Variants in SCD5 observed in about 807,000 individuals in gnomAD.
SCD5 encodes stearoyl-CoA desaturase 5, also known as acyl-CoA-desaturase 4.
In SCD5, 20 loss-of-function variants were observed where a neutral mutation model predicts 30.4. The ratio of observed to expected loss-of-function variants is 0.66; its 90% CI spans 0.46 to 0.96. The LOEUF is 0.96. Ranked by LOEUF, SCD5 falls within the 40% of genes least tolerant of loss-of-function variation. The probability of loss-of-function intolerance (pLI) is 0.00; values close to 1 mark genes in which losing one functional copy is unlikely to be tolerated. For synonymous variants in SCD5, 173 were observed against 176.4 expected, an observed-to-expected ratio of 0.98 and a Z score of 0.16; for missense variants, 381 against 443.3, an observed-to-expected ratio of 0.86 and a Z score of 1.26.
chr4:82,728,003 C>T (rs1720544459), intron 1 of SCD5, among the ~76,000 whole-genome samples: 1 of 152,160 alleles, frequency 6.6e-6, no homozygotes, highest in Non-Finnish European at 1.5e-5. Flanking sequence ...GCCACCATGC[C>T]CCACCTCTAG....
intron 4 of SCD5, among the ~76,000 whole-genome samples, chr4:82,634,087 AT>A (rs1727374696): frequency 6.6e-6 from 1 of 152,236 alleles, no homozygotes; most frequent in African/African-American, 2.4e-5. Context: ...TCAGATCTTC[AT>A]TCTTTTTATT....
chr4:82,708,838 G>C (rs968581317), intron 1 of SCD5, among the ~76,000 whole-genome samples: 1 of 152,196 alleles, frequency 6.6e-6, no homozygotes, highest in Non-Finnish European at 1.5e-5. Flanking sequence ...GTGCTCGACA[G>C]AAGGAAGCAC....
intron 3 of SCD5, among the ~76,000 whole-genome samples, chr4:82,674,366 T>C (rs1216779175): frequency 6.6e-6 from 1 of 152,170 alleles, no homozygotes; most frequent in Non-Finnish European, 1.5e-5. Context: ...AGAAAATATA[T>C]AGATGGAACA....
chr4:82,739,078 C>CT (rs1720816181), intron 1 of SCD5, among the ~76,000 whole-genome samples: 1 of 152,162 alleles, frequency 6.6e-6, no homozygotes, highest in African/African-American at 2.4e-5. Flanking sequence ...AATCTTACCC[C>CT]TACTAGTTGC....
intron 1 of SCD5, among the ~76,000 whole-genome samples, chr4:82,783,966 T>A (rs1267710776): frequency 6.6e-6 from 1 of 152,306 alleles, no homozygotes; most frequent in East Asian, 1.9e-4. Flanking sequence ...ATGTCTCCAA[T>A]TTATTCTTAA....
At chr4:82,760,624 T>G (rs554917216) in intron 1 of SCD5, among the ~76,000 whole-genome samples, 9 of 151,978 alleles carry the variant, frequency 5.9e-5, no homozygotes, top group Non-Finnish European at 1.2e-4. Flanking sequence ...CTAACTCACT[T>G]GTTTTCAAGA....
At chr4:82,695,973 G>T (rs999074507) in intron 2 of SCD5, among the ~76,000 whole-genome samples, 1 of 152,174 alleles carries the variant, frequency 6.6e-6, no homozygotes, top group African/African-American at 2.4e-5. Flanking sequence ...TTGCACACAA[G>T]TCTAGCCAGC....
Position 82,631,282 on chromosome 4 carries a change from G to T in SCD5, c.*45C>A. The T allele has an allele frequency of 6.4e-7, 1 of 1,572,788 alleles. No homozygotes were observed. The highest frequency in any genetic ancestry group is 1.1e-5 in the South Asian group (1 of 86,964). The stretch of plus-strand genomic sequence containing the variant: ...AGAGAGCTATTGTAACCAAAGCCAT[G>T]AACCGAGGTTGCAACGGCAGACATG... On this transcript the variant is annotated 3_prime_UTR_variant, in exon 5 of 5. Transcript: ENST00000319540.
chr4:82,691,018 G>T (rs201066288), intron 2 of SCD5, among the ~76,000 whole-genome samples: 1 of 149,718 alleles, frequency 6.7e-6, no homozygotes, highest in Non-Finnish European at 1.5e-5. Context: ...TTTTTTGTTT[G>T]TTTGTTTTGT....
chr4:82,681,502 TG>T (rs1728571765), intron 2 of SCD5, among the ~76,000 whole-genome samples: 2 of 152,120 alleles, frequency 1.3e-5, no homozygotes, highest in South Asian at 4.1e-4. Context: ...TGGATGGAGC[TG>T]GGGGTCATTA....
At chr4:82,709,565 G>A (rs1720037806) in intron 1 of SCD5, among the ~76,000 whole-genome samples, 1 of 152,210 alleles carries the variant, frequency 6.6e-6, no homozygotes, top group Admixed American at 6.5e-5. Context: ...AAGATAAGAA[G>A]TCAACTGAGC....
Position 82,798,091 on chromosome 4 carries a change from G to T in SCD5, c.232+215C>A, listed in dbSNP as rs536079913. Among the ~76,000 whole-genome samples, 5 of 151,744 alleles carry T rather than the reference G, an allele frequency of 3.3e-5. No individual in the cohort carries two copies. In the East Asian group the frequency reaches 7.8e-4, roughly 24 times the overall value. ...AGACCGCGGCGGGGTGGGGGCGGGG[G>T]GGGGGCGGAAGTTGAAATACTGGGA... On this transcript the variant is annotated intron_variant, in intron 1 of 4. Transcript: ENST00000319540.
chr4:82,780,129 G>A (rs1180399085), intron 1 of SCD5, among the ~76,000 whole-genome samples: 1 of 152,226 alleles, frequency 6.6e-6, no homozygotes, highest in Non-Finnish European at 1.5e-5. Context: ...AGGAACATCT[G>A]TAGCCAGTTT....
At chr4:82,660,420 T>C in intron 3 of SCD5, 1 of 830,840 alleles carries the variant, frequency 1.2e-6, no homozygotes, top group Non-Finnish European at 1.4e-6. Context: ...TAAACTCCTC[T>C]TAATCACTTT....
chr4:82,669,585 G>C (rs1396362793), intron 3 of SCD5, among the ~76,000 whole-genome samples: 4 of 152,214 alleles, frequency 2.6e-5, no homozygotes, highest in African/African-American at 9.6e-5. Flanking sequence ...TGGAGGCTAG[G>C]TATGGACAAG....
intron 3 of SCD5, chr4:82,660,136 T>A (rs972043142): frequency 1.3e-5 from 2 of 152,180 alleles, no homozygotes; most frequent in East Asian, 3.8e-4. Flanking sequence ...CCTAAATATG[T>A]ATGCACCTAA....
intron 1 of SCD5, among the ~76,000 whole-genome samples, chr4:82,776,372 G>A (rs1721744630): frequency 6.6e-6 from 1 of 152,176 alleles, no homozygotes; most frequent in South Asian, 2.1e-4. Context: ...CGGCATCTGT[G>A]AATGTTGTGT....
intron 1 of SCD5, among the ~76,000 whole-genome samples, chr4:82,780,791 G>T (rs916880919): frequency 1.3e-5 from 2 of 152,248 alleles, no homozygotes; most frequent in African/African-American, 4.8e-5. Context: ...TCAGACTGAA[G>T]AAACACCTGG....
At chr4:82,739,987 A>G (rs540543468) in intron 1 of SCD5, among the ~76,000 whole-genome samples, 3 of 152,230 alleles carry the variant, frequency 2.0e-5, no homozygotes, top group African/African-American at 7.2e-5. Context: ...TCGGCTCAAC[A>G]CCAGCCCAGC....
Sources: gnomAD v4.1 joint callset for allele counts (sites outside exome capture counted in the v4.1 genomes callset) on GRCh38, gnomAD v4.1.1 for gene constraint, MANE v1.5 for transcripts, NCBI Gene and HGNC (gene_info 2026-07-23, HGNC 2026-07-21) for gene names.